ZC3H11A: variants seen among roughly 807,000 people sequenced by gnomAD.
The protein encoded by ZC3H11A is zinc finger CCCH domain-containing protein 11A.
A neutral mutation model predicts 90.8 loss-of-function variants in ZC3H11A; 22 were observed. That is an observed-to-expected ratio of 0.24 (90% CI 0.17 to 0.35). The LOEUF is 0.35. Among genes scored for constraint, ZC3H11A ranks in the 10% least tolerant of loss-of-function variants. The pLI, the probability that ZC3H11A is intolerant of heterozygous loss-of-function variation, is 1.00. For missense variants in ZC3H11A, 701 were observed against 964.9 expected (o/e 0.73, Z 3.62); for synonymous variants, 294 against 339.8 (o/e 0.87, Z 1.48).
Position 203,798,815 on chromosome 1 carries a change from A to T in ZC3H11A, c.-1587-2760A>T, listed in dbSNP as rs758481164. ...ATCCTTACAACTATTTCTCAACCCC[A>T]GCCTTTCAGAGGTTCATGCAGATTG... On this transcript the variant is annotated intron_variant, in intron 1 of 17. Coordinates refer to ENST00000367210, the MANE Select transcript of ZC3H11A (RefSeq NM_001376342.1). 3.1e-5 allele frequency: 48 copies of T among 1,536,014 alleles called. No homozygotes were observed. In the South Asian group the frequency reaches 5.1e-4, roughly 16 times the overall value.
At chr1:203,799,342 T>A (rs1304846105) in intron 1 of ZC3H11A, 1 of 705,506 alleles carries the variant, frequency 1.4e-6, no homozygotes, top group Non-Finnish European at 2.6e-6. Flanking sequence ...AATATGTTAG[T>A]GGCTGCCAGG....
At chr1:203,845,299 A>T (rs1422846510) in intron 12 of ZC3H11A, among the ~76,000 whole-genome samples, 1 of 152,150 alleles carries the variant, frequency 6.6e-6, no homozygotes, top group Non-Finnish European at 1.5e-5. Flanking sequence ...CAGGGCCTCT[A>T]TGTCACCATT....
At chr1:203,803,502 T>C (rs1671158764) in intron 2 of ZC3H11A, among the ~76,000 whole-genome samples, 1 of 152,224 alleles carries the variant, frequency 6.6e-6, no homozygotes, top group South Asian at 2.1e-4. Flanking sequence ...ATAGTTTTTC[T>C]TTCTTTGTTT....
intron 10 of ZC3H11A, among the ~76,000 whole-genome samples, chr1:203,836,770 C>T (rs1046488418): frequency 6.0e-5 from 9 of 150,806 alleles, no homozygotes; most frequent in African/African-American, 2.2e-4. Flanking sequence ...AATGAGACTC[C>T]GTCTCAGAAA....
At chr1:203,842,443 C>T (rs1297426144) in intron 12 of ZC3H11A, among the ~76,000 whole-genome samples, 3 of 152,114 alleles carry the variant, frequency 2.0e-5, no homozygotes, top group African/African-American at 4.8e-5. Flanking sequence ...CCAAAACATG[C>T]AAACACCAGT....
Position 203,802,290 on chromosome 1 carries a change from T to G in ZC3H11A, c.-872T>G, listed in dbSNP as rs2102436137. 1 of 152,740 alleles carries G rather than the reference T, an allele frequency of 6.5e-6. No individual in the cohort carries two copies. The highest frequency in any genetic ancestry group is 1.9e-4 in the East Asian group (1 of 5,184). The allele number at this position is 152,740 out of a possible 1,614,324, so 9.5% of individuals were successfully genotyped here. A position where few individuals can be genotyped will look rare whatever the true frequency, so the allele number is the denominator to read the frequency against. Reference sequence around the variant, plus strand: ...TTTATTTTGTGGGCTGGGCAAAATTTAGTGTAACAATAACTTCATGATACT... The same window carrying G: ...TTTATTTTGTGGGCTGGGCAAAATTGAGTGTAACAATAACTTCATGATACT... On this transcript the variant is annotated 5_prime_UTR_variant, in exon 2 of 18. The change abolishes the stop of an existing upstream ORF in the 5' untranslated region. Transcript: ENST00000367210.
rs1027891380 is a variant in ZC3H11A at position 203,797,609 on chromosome 1, A to G, written c.-1588+1815A>G. 12 of 1,535,546 alleles carry G rather than the reference A, an allele frequency of 7.8e-6. No individual in the cohort carries two copies. The African/African-American group carries it at 1.2e-4, about 16-fold the overall frequency. ...CTTTTAGTGATTCTGGGATTCTGGG[A>G]TGTGTTCCTATTAATTCTAATACAG... On this transcript the variant is annotated intron_variant, in intron 1 of 17. Transcript: ENST00000367210.
intron 2 of ZC3H11A, among the ~76,000 whole-genome samples, chr1:203,815,535 C>T (rs1676086734): frequency 6.6e-6 from 1 of 151,980 alleles, no homozygotes; most frequent in South Asian, 2.1e-4. Context: ...ATTATTAAAA[C>T]AAGATTGTGA....
chr1:203,826,721 A>G (rs1680639315), intron 4 of ZC3H11A, among the ~76,000 whole-genome samples: 1 of 152,196 alleles, frequency 6.6e-6, no homozygotes, highest in African/African-American at 2.4e-5. Context: ...ATTTTAAACC[A>G]TAGGCTGTTT....
chr1:203,842,601 G>C (rs1165341146), intron 12 of ZC3H11A, among the ~76,000 whole-genome samples: 1 of 150,578 alleles, frequency 6.6e-6, no homozygotes, highest in Non-Finnish European at 1.5e-5. Flanking sequence ...GGAGACCGGG[G>C]AGAGGGGGAG....
intron 1 of ZC3H11A, chr1:203,797,466 G>A: frequency 7.1e-7 from 1 of 1,415,356 alleles, no homozygotes; most frequent in Non-Finnish European, 9.2e-7. Context: ...CTGTATTTCT[G>A]CTTGAGTAAT....
At chr1:203,799,560 C>T (rs1480259676) in intron 1 of ZC3H11A, 7 of 702,876 alleles carry the variant, frequency 1.0e-5, no homozygotes, top group Non-Finnish European at 1.6e-5. Flanking sequence ...GCTCACCTCC[C>T]TTCAGTGGAC....
intron 2 of ZC3H11A, among the ~76,000 whole-genome samples, chr1:203,813,661 A>ATG (rs908607904): frequency 1.3e-5 from 2 of 152,102 alleles, no homozygotes; most frequent in Non-Finnish European, 2.9e-5. Context: ...TGAAGGTGAG[A>ATG]TGTCTAAAAT....
chr1:203,804,253 G>A (rs1374353357), intron 2 of ZC3H11A, among the ~76,000 whole-genome samples: 2 of 150,368 alleles, frequency 1.3e-5, no homozygotes, highest in Non-Finnish European at 1.5e-5. Context: ...CCGGGTTCAC[G>A]CCATTCTCCT....
intron 12 of ZC3H11A, among the ~76,000 whole-genome samples, chr1:203,845,701 C>T (rs1358143530): frequency 6.6e-6 from 1 of 151,906 alleles, no homozygotes; most frequent in Admixed American, 6.6e-5. Context: ...CCTGTCTCTA[C>T]AAAAAATACA....
intron 2 of ZC3H11A, among the ~76,000 whole-genome samples, chr1:203,810,402 G>GT (rs1446401619): frequency 2.0e-5 from 3 of 148,458 alleles, no homozygotes; most frequent in African/African-American, 7.4e-5. Flanking sequence ...CCTTTTTCTT[G>GT]TTTTACATTG....
At chr1:203,846,774 A>G (rs569762591) in intron 12 of ZC3H11A, among the ~76,000 whole-genome samples, 124 of 152,358 alleles carry the variant, frequency 8.1e-4, no homozygotes, top group African/African-American at 2.6e-3. Flanking sequence ...TAGAAATACA[A>G]ATCAATTTTT....
rs926629558 is a variant in ZC3H11A, at chr1:203,816,988, C to G, written c.-83C>G. The G allele has an allele frequency of 4.3e-5, 40 of 926,832 alleles. 1 individual carries two copies. In the South Asian group the frequency reaches 6.3e-4, roughly 15 times the overall value. 57.4% of individuals were successfully genotyped at this position (926,832 alleles called of 1,614,324 possible). On this transcript the variant is annotated 5_prime_UTR_variant, in exon 3 of 18. Coordinates refer to ENST00000367210, the MANE Select transcript of ZC3H11A (RefSeq NM_001376342.1). ...CATTTGGAAGATTAAACCCATTTCA[C>G]GAGGACTTGGAGCCTGGTCCTTGCT...
chr1:203,818,113 G>T (rs1339261909), intron 3 of ZC3H11A, among the ~76,000 whole-genome samples: 1 of 152,080 alleles, frequency 6.6e-6, no homozygotes, highest in Non-Finnish European at 1.5e-5. Flanking sequence ...ATAGCAGTTT[G>T]CACAACAGTA....
Sources: allele counts gnomAD v4.1 joint callset (sites outside exome capture counted in the v4.1 genomes callset), GRCh38; gene constraint gnomAD v4.1.1; transcripts MANE v1.5; gene names NCBI Gene and HGNC (gene_info 2026-07-23, HGNC 2026-07-21).